Variants in ABI3BP observed in about 807,000 individuals in gnomAD.
The protein encoded by ABI3BP is target of Nesh-SH3.
A neutral mutation model predicts 268.6 loss-of-function variants in ABI3BP; 216 were observed. The ratio of observed to expected loss-of-function variants is 0.80; its 90% confidence interval spans 0.72 to 0.90. ABI3BP has a LOEUF of 0.90. ABI3BP is among the 40% of genes least tolerant of loss of function. The probability of loss-of-function intolerance (pLI) is 0.00; values close to 1 mark genes in which losing one functional copy is unlikely to be tolerated. For missense variants in ABI3BP, 2,090 were observed against 2,182.4 expected, an observed-to-expected ratio of 0.96 and a Z score of 0.84; for synonymous variants, 730 against 730.0, an observed-to-expected ratio of 1.00 and a Z score of 0.00.
At chr3:100,933,643 A>ATATATG (rs1197489580) in intron 1 of ABI3BP, among the ~76,000 whole-genome samples, 1 of 150,450 alleles carries the variant, frequency 6.6e-6, no homozygotes, top group East Asian at 2.0e-4. Flanking sequence ...ATATATATAT[A>ATATATG]TATCTATTGA....
chr3:100,843,980 A>G (rs2098738898), intron 20 of ABI3BP: 2 of 984,918 alleles, frequency 2.0e-6, no homozygotes, highest in African/African-American at 3.5e-5. Context: ...AAATAGGGAT[A>G]GAACTCCATC....
intron 1 of ABI3BP, among the ~76,000 whole-genome samples, chr3:100,956,882 T>G (rs745798229): frequency 6.6e-6 from 1 of 152,096 alleles, no homozygotes; most frequent in Non-Finnish European, 1.5e-5. Flanking sequence ...ACATGCCTGG[T>G]TACTGTGGCT....
intron 2 of ABI3BP, among the ~76,000 whole-genome samples, chr3:100,916,835 T>C (rs1485858734): frequency 6.6e-6 from 1 of 152,190 alleles, no homozygotes; most frequent in African/African-American, 2.4e-5. Context: ...GGCTATTACC[T>C]TGGGATCAGA....
chr3:100,873,136 A>G (rs1243472272), intron 9 of ABI3BP, among the ~76,000 whole-genome samples: 1 of 152,184 alleles, frequency 6.6e-6, no homozygotes, highest in Non-Finnish European at 1.5e-5. Flanking sequence ...TTATAACTGG[A>G]TTGCCCCAGA....
intron 66 of ABI3BP, among the ~76,000 whole-genome samples, chr3:100,752,026 A>G (rs2095360146): frequency 6.6e-6 from 1 of 152,186 alleles, no homozygotes; most frequent in Admixed American, 6.5e-5. Context: ...GGAACTGGCC[A>G]GGTGTATTCT....
At chr3:100,904,814 G>A (rs1274209684) in intron 2 of ABI3BP, among the ~76,000 whole-genome samples, 5 of 152,170 alleles carry the variant, frequency 3.3e-5, no homozygotes, top group African/African-American at 4.8e-5. Flanking sequence ...CTGTTGGTGG[G>A]ACTGTAAACT....
rs886843424 is a variant in ABI3BP, at chr3:100,834,700, T to C, written c.2265A>G (p.Thr755=). 6.5e-7 allele frequency: 1 copy of C among 1,535,524 alleles called. No individual in the cohort carries two copies. Among genetic ancestry groups the C allele is most frequent in the African/African-American group, 1.4e-5 (1 of 72,998 alleles). Residue 755 remains threonine, a synonymous_variant, in exon 29 of 68, where the codon ACA becomes ACG. Transcript: ENST00000471714. The part of the protein sequence containing the change: ...PKHKTTPRPE[T]LQTKLDFGPI... ...ATTATTTACCTAGTTTGGTCTGCAG[T>C]GTCTCTGGGCGTGGCGTGGTTTTAT...
Position 100,837,069 on chromosome 3 carries a change from A to G in ABI3BP, c.2131+55T>C, listed in dbSNP as rs1035920917. 5.8e-5 allele frequency: 83 copies of G among 1,434,216 alleles called. No individual in the cohort carries two copies. The African/African-American group carries it at 1.1e-3, about 20-fold the overall frequency. 88.8% of individuals were successfully genotyped at this position (1,434,216 alleles called of 1,614,324 possible). ...CATATTATAGCTAATGAAAAAAGAGATGAGAGGCGCAAGCTCAGAGAAACA... is the reference window on the plus strand; with the variant it reads ...CATATTATAGCTAATGAAAAAAGAGGTGAGAGGCGCAAGCTCAGAGAAACA... On this transcript the variant is annotated intron_variant, in intron 27 of 67. Transcript: ENST00000471714.
chr3:100,875,512 T>C lies in ABI3BP; in HGVS notation c.813A>G (p.Ile271Met). The change falls in exon 8 of 68, where the codon ATA (isoleucine) becomes ATG (methionine). Residue 271 changes from isoleucine to methionine, a missense_variant. By Grantham distance (10) the Ile-to-Met change is conservative (BLOSUM62 1). Coordinates refer to ENST00000471714, the MANE Select transcript of ABI3BP (RefSeq NM_001375547.2). ...TAGATTTCGAGATCCACTCACCTAGTATCACTCCTCCCAGTGGAGCTTTTT... is the reference window on the plus strand; with the variant it reads ...TAGATTTCGAGATCCACTCACCTAGCATCACTCCTCCCAGTGGAGCTTTTT... ...SPEKAPLGGV[I>M]LVHLIIPGLN... is the part of the protein sequence containing the mutation. 6.2e-7 allele frequency: 1 copy of C among 1,608,300 alleles called. No homozygotes were observed. The highest frequency in any genetic ancestry group is 8.5e-7 in the Non-Finnish European group (1 of 1,174,688).
chr3:100,830,647 A>C lies in ABI3BP; in HGVS notation c.2402-13T>G. The C allele has an allele frequency of 2.6e-6, 4 of 1,521,548 alleles. No homozygotes were observed. Among genetic ancestry groups the C allele is most frequent in the Non-Finnish European group, 3.5e-6 (4 of 1,137,944 alleles). 94.3% of individuals were successfully genotyped at this position (1,521,548 alleles called of 1,614,324 possible). On this transcript the variant is annotated splice_polypyrimidine_tract_variant and intron_variant, in intron 31 of 67. Coordinates refer to ENST00000471714, the MANE Select transcript of ABI3BP (RefSeq NM_001375547.2). ...ATTGTGGCAGGAACTGATCAAAAGT[A>C]ATAAAAGAAACCAAAGAGATTTTGT...
intron 17 of ABI3BP, among the ~76,000 whole-genome samples, chr3:100,849,519 C>T (rs1035491237): frequency 7.9e-5 from 12 of 152,138 alleles, no homozygotes; most frequent in African/African-American, 1.4e-4. Context: ...GCACCACACC[C>T]GGCCCAGAAC....
At chr3:100,897,565 C>T (rs1231267689) in intron 4 of ABI3BP, among the ~76,000 whole-genome samples, 1 of 152,136 alleles carries the variant, frequency 6.6e-6, no homozygotes, top group Non-Finnish European at 1.5e-5. Context: ...TCAGAAAACC[C>T]ATACTATATG....
At chr3:100,848,989 C>G (rs984238312) in intron 17 of ABI3BP, 114 bp from the exon 18 acceptor site, 7 of 831,738 alleles carry the variant, frequency 8.4e-6, no homozygotes, top group Non-Finnish European at 2.0e-6. Flanking sequence ...TTCCTTGTAT[C>G]CTTAGAATGT....
chr3:100,879,544 T>A (rs1235969035), intron 6 of ABI3BP, among the ~76,000 whole-genome samples: 2 of 152,220 alleles, frequency 1.3e-5, no homozygotes, highest in Non-Finnish European at 2.9e-5. Context: ...TGTAATGATT[T>A]GTTTCAAACA....
rs533838761 is a variant in ABI3BP, at chr3:100,816,445, G to C, written c.3229+243C>G. ...ATCTCGCTGTAAACACATCTTTAAA[G>C]AGGGACCAAGAACGTCATCCAAACC... On this transcript the variant is annotated intron_variant, in intron 43 of 67. Transcript: ENST00000471714. 3 of 596,888 alleles carry C rather than the reference G, an allele frequency of 5.0e-6. No individual in the cohort carries two copies. In the East Asian group the frequency reaches 8.6e-5, roughly 17 times the overall value. 37.0% of individuals were successfully genotyped at this position (596,888 alleles called of 1,614,324 possible).
In ABI3BP at chr3:100,868,222, A is replaced by G. The variant is rs201109303; in HGVS notation, c.911-1266T>C. On this transcript the variant is annotated intron_variant, in intron 9 of 67. Coordinates refer to ENST00000471714, the MANE Select transcript of ABI3BP (RefSeq NM_001375547.2). ...TGGCACTATTGATATTTGAGGCTAG[A>G]TTATTTTTTTGTATGGGTGGCTGGC... 2.6e-5 allele frequency among the ~76,000 whole-genome samples: 4 copies of G among 152,254 alleles called. No homozygotes were observed. In the East Asian group the frequency reaches 7.7e-4, roughly 29 times the overall value.
At chr3:100,845,992 ACT>A (rs2098762861) in intron 20 of ABI3BP, among the ~76,000 whole-genome samples, 1 of 152,178 alleles carries the variant, frequency 6.6e-6, no homozygotes, top group African/African-American at 2.4e-5. Context: ...GAACTGAGAA[ACT>A]CTAAAATAAT....
chr3:100,830,581 C>A lies in ABI3BP; in HGVS notation c.2455G>T (p.Ala819Ser). ...GATGGACATAATGTGCCATTACCTG[C>A]TGTTGTCCCTGAAGCCTCAGTTCTA... is the stretch of plus-strand genomic sequence containing the variant. ...VLRTEASGTT[A>S]APKVPQRTHR... The change falls in exon 32 of 68, where the codon GCA (alanine) becomes TCA (serine). Residue 819 changes from alanine (A) to serine (S), a missense_variant. Coordinates refer to ENST00000471714, the MANE Select transcript of ABI3BP (RefSeq NM_001375547.2). 3 of 1,533,792 alleles carry A rather than the reference C, an allele frequency of 2.0e-6. No homozygotes were observed. The highest frequency in any genetic ancestry group is 1.2e-5 in the South Asian group (1 of 83,748).
At chr3:100,892,331 T>C (rs998374826) in intron 4 of ABI3BP, among the ~76,000 whole-genome samples, 1 of 152,132 alleles carries the variant, frequency 6.6e-6, no homozygotes, top group Non-Finnish European at 1.5e-5. Flanking sequence ...AGATTAAAGT[T>C]ACAGTTCTAA....
Sources: allele counts gnomAD v4.1 joint callset (sites outside exome capture counted in the v4.1 genomes callset), GRCh38; gene constraint gnomAD v4.1.1; transcripts MANE v1.5; gene names NCBI Gene and HGNC (gene_info 2026-07-23, HGNC 2026-07-21).